Variants in RER1 observed in about 807,000 individuals in gnomAD.
The protein encoded by RER1 is retention in endoplasmic reticulum sorting receptor 1, also known as protein RER1.
In RER1, 6 loss-of-function variants were observed where a neutral mutation model predicts 28.3. The observed-to-expected ratio is 0.21, with a 90% confidence interval of 0.12 to 0.42. The LOEUF is 0.42. Ranked by LOEUF, RER1 falls within the 10% of genes least tolerant of loss-of-function variation. The probability of loss-of-function intolerance (pLI) is 1.00; values close to 1 mark genes in which losing one functional copy is unlikely to be tolerated. For synonymous variants in RER1, 110 were observed against 95.9 expected (o/e 1.15, Z -0.86); for missense variants, 159 against 252.9 (o/e 0.63, Z 2.52).
At position 2,392,106 on chromosome 1, in the gene RER1, C is replaced by T. The variant is rs1642684360; in HGVS notation, c.-8+148C>T. ...CCCGGGTGGCCGCGGGGACCGTGTTCCCGACCCGCGGCCCTGAGGGGTACG... is the reference window on the plus strand; with the variant it reads ...CCCGGGTGGCCGCGGGGACCGTGTTTCCGACCCGCGGCCCTGAGGGGTACG... On this transcript the variant is annotated intron_variant, in intron 1 of 6. Coordinates refer to ENST00000605895, the MANE Select transcript of RER1 (RefSeq NM_007033.5). 2.6e-5 allele frequency: 4 copies of T among 151,470 alleles called. No homozygotes were observed. The South Asian group carries it at 8.1e-4, about 31-fold the overall frequency. The allele number at this position is 151,470 out of a possible 1,614,324, so 9.4% of individuals were successfully genotyped here. A position where few individuals can be genotyped will look rare whatever the true frequency, so the allele number is the denominator to read the frequency against.
At chr1:2,401,025 A>C in intron 5 of RER1, 90 bp downstream of exon 5, 7 of 1,094,782 alleles carry the variant, frequency 6.4e-6, no homozygotes, top group Non-Finnish European at 8.5e-6. Flanking sequence ...AGTCACCTGA[A>C]AGATGACTGC....
chr1:2,397,746 T>C (rs1642789365), intron 3 of RER1, among the ~76,000 whole-genome samples: 1 of 152,234 alleles, frequency 6.6e-6, no homozygotes. Flanking sequence ...TCGTGTGTTT[T>C]CGGGCACCCC....
At chr1:2,396,232 C>T in intron 2 of RER1, 1 of 287,716 alleles carries the variant, frequency 3.5e-6, no homozygotes, top group Non-Finnish European at 6.8e-6. Context: ...GTAGCCCCAC[C>T]TGCCCCGTGT....
chr1:2,401,946 T>C (rs1642868757), intron 5 of RER1: 2 of 1,388,414 alleles, frequency 1.4e-6, no homozygotes, highest in Non-Finnish European at 1.9e-6. Flanking sequence ...TCAGTACTGA[T>C]GCTTTATACT....
intron 3 of RER1, among the ~76,000 whole-genome samples, chr1:2,399,211 T>G (rs1642810740): frequency 6.6e-6 from 1 of 152,252 alleles, no homozygotes; most frequent in African/African-American, 2.4e-5. Flanking sequence ...CCGCTTTGTC[T>G]CTGTTCCCAC....
chr1:2,399,671 C>T (rs572185804), intron 4 of RER1, among the ~76,000 whole-genome samples, 157 bp downstream of exon 4: 11 of 152,332 alleles, frequency 7.2e-5, no homozygotes, highest in African/African-American at 2.2e-4. Flanking sequence ...TAGAATGACT[C>T]TTCAAACCCT....
At position 2,403,330 on chromosome 1, in the gene RER1, G is replaced by A. The variant is rs572733043; in HGVS notation, c.*206G>A. 2 of 519,922 alleles carry A rather than the reference G, an allele frequency of 3.8e-6. No individual in the cohort carries two copies. The highest frequency in any genetic ancestry group is 2.1e-5 in the South Asian group (1 of 48,768). 32.2% of individuals were successfully genotyped at this position (519,922 alleles called of 1,614,324 possible). A position where few individuals can be genotyped will look rare whatever the true frequency, so the allele number is the denominator to read the frequency against. On this transcript the variant is annotated 3_prime_UTR_variant, in exon 7 of 7. Coordinates refer to ENST00000605895, the MANE Select transcript of RER1 (RefSeq NM_007033.5). Reference sequence around the variant, plus strand: ...TCGCATGGATTTCTTTTTCAGTGACGTTCAAGTGTTTCTCACGGATGGAAT... The same window carrying A: ...TCGCATGGATTTCTTTTTCAGTGACATTCAAGTGTTTCTCACGGATGGAAT...
At chr1:2,400,367 C>T (rs1047908030) in intron 4 of RER1, among the ~76,000 whole-genome samples, 4 of 152,232 alleles carry the variant, frequency 2.6e-5, no homozygotes, top group Non-Finnish European at 5.9e-5. Context: ...CAAAGAGCCC[C>T]TTTCCTGTAG....
chr1:2,392,620 C>CT (rs1642699720), intron 1 of RER1, among the ~76,000 whole-genome samples: 1 of 152,230 alleles, frequency 6.6e-6, no homozygotes, highest in South Asian at 2.1e-4. Flanking sequence ...GGCTTTTGCC[C>CT]TTTTCCCTTT....
rs377212881 is a variant in RER1, at chr1:2,397,231, G to C, written c.186+11G>C. The C allele has an allele frequency of 1.3e-5, 20 of 1,585,990 alleles. No homozygotes were observed. Among genetic ancestry groups the C allele is most frequent in the Non-Finnish European group, 1.2e-5 (14 of 1,154,520 alleles). ...GTTTACCTGCTGCAGGTAGGTGTGG[G>C]CTGAAGTGACGAGACTTGGCTCTGT... is the stretch of plus-strand genomic sequence containing the variant. On this transcript the variant is annotated intron_variant, in intron 3 of 6. Coordinates refer to ENST00000605895, the MANE Select transcript of RER1 (RefSeq NM_007033.5).
rs1245405936 is a variant in RER1, at chr1:2,401,948, C to CT, written c.366-256dup. The stretch of plus-strand genomic sequence containing the variant: ...GGGGCCCCCAGCCTCAGTACTGATG[C>CT]TTTATACTTTGTGTAGTTTTAAGAA... On this transcript the variant is annotated intron_variant, in intron 5 of 6. Coordinates refer to ENST00000605895, the MANE Select transcript of RER1 (RefSeq NM_007033.5). 7.8e-6 allele frequency: 11 copies of CT among 1,404,978 alleles called. No individual in the cohort carries two copies. The East Asian group carries it at 2.5e-4, about 32-fold the overall frequency. The allele number at this position is 1,404,978 out of a possible 1,614,324, so 87.0% of individuals were successfully genotyped here.
chr1:2,405,422 G>T lies in RER1; in HGVS notation c.*2298G>T. On this transcript the variant is annotated 3_prime_UTR_variant, in exon 7 of 7. Coordinates refer to ENST00000605895, the MANE Select transcript of RER1 (RefSeq NM_007033.5). The stretch of plus-strand genomic sequence containing the variant: ...TTTTCTCACAATATAAACGAATAAA[G>T]TGTCTTCTGGCCTACTTCTGAATTA... The T allele has an allele frequency of 2.3e-6, 1 of 441,986 alleles. No individual in the cohort carries two copies. Among genetic ancestry groups the T allele is most frequent in the Non-Finnish European group, 4.2e-6 (1 of 235,958 alleles). 27.4% of individuals were successfully genotyped at this position (441,986 alleles called of 1,614,324 possible).
intron 3 of RER1, among the ~76,000 whole-genome samples, chr1:2,398,339 C>G (rs892087675): frequency 3.3e-5 from 5 of 152,234 alleles, no homozygotes; most frequent in African/African-American, 7.2e-5. Context: ...ACTGGAAAAG[C>G]TTTTAGGCAG....
intron 2 of RER1, 43 bp downstream of exon 2, chr1:2,395,914 G>A (rs754042664): frequency 4.9e-6 from 7 of 1,415,574 alleles, no homozygotes; most frequent in Non-Finnish European, 6.0e-6. Context: ...ATTTGAAAAA[G>A]AAACGGGACT....
intron 5 of RER1, among the ~76,000 whole-genome samples, chr1:2,401,594 C>G (rs1642865210): frequency 6.6e-6 from 1 of 151,410 alleles, no homozygotes; most frequent in Non-Finnish European, 1.5e-5. Flanking sequence ...TTTGTCTTGT[C>G]CCTCATACCC....
At chr1:2,401,257 C>CCCT (rs1264074587) in intron 5 of RER1, among the ~76,000 whole-genome samples, 34 of 120,342 alleles carry the variant, frequency 2.8e-4, no homozygotes, top group African/African-American at 5.9e-4. Flanking sequence ...CCTCCTTCCT[C>CCCT]CCTCCTCCAC....
At chr1:2,401,038 T>G (rs557727556) in intron 5 of RER1, 103 bp downstream of exon 5, 35 of 993,944 alleles carry the variant, frequency 3.5e-5, no homozygotes, top group Non-Finnish European at 4.7e-5. Flanking sequence ...ATGACTGCTG[T>G]GCTGGGCTGG....
intron 1 of RER1, chr1:2,395,543 T>G (rs1298321794): frequency 4.0e-6 from 2 of 503,448 alleles, no homozygotes; most frequent in South Asian, 2.1e-5. Flanking sequence ...GAGGTGCCAG[T>G]GTGGGAATGA....
At chr1:2,392,508 A>G (rs1642695860) in intron 1 of RER1, among the ~76,000 whole-genome samples, 1 of 152,188 alleles carries the variant, frequency 6.6e-6, no homozygotes, top group African/African-American at 2.4e-5. Context: ...CTCCAGGCTG[A>G]CTTAGTACTG....
Sources: gnomAD v4.1 joint callset for allele counts (sites outside exome capture counted in the v4.1 genomes callset) on GRCh38, gnomAD v4.1.1 for gene constraint, MANE v1.5 for transcripts, NCBI Gene and HGNC (gene_info 2026-07-23, HGNC 2026-07-21) for gene names.